Variants in MAF observed in about 807,000 individuals in gnomAD.
The protein encoded by MAF is transcription factor Maf.
MAF carries 10 observed loss-of-function variants against 22.0 expected under a neutral mutation model. The observed-to-expected ratio is 0.45, with a 90% CI of 0.28 to 0.77. MAF has a LOEUF of 0.77. MAF is among the 30% of genes least tolerant of loss of function. MAF has a pLI of 0.12. For synonymous variants in MAF, 337 were observed against 255.8 expected, an observed-to-expected ratio of 1.32 and a Z score of -3.03; for missense variants, 544 against 548.4, an observed-to-expected ratio of 0.99 and a Z score of 0.08.
the MAF span, among the ~76,000 whole-genome samples, chr16:79,516,643 G>C: frequency 6.6e-6 from 1 of 152,210 alleles, no homozygotes; most frequent in South Asian, 2.1e-4. Context: ...CATCTGTGAT[G>C]TGCTCATGGA....
chr16:79,240,669 C>T, the MAF span, among the ~76,000 whole-genome samples: 3 of 151,920 alleles, frequency 2.0e-5, no homozygotes, highest in African/African-American at 4.8e-5. Context: ...AGCAGCAGAA[C>T]TCCCAGCACA....
chr16:79,326,627 G>T, the MAF span, among the ~76,000 whole-genome samples: 6 of 152,350 alleles, frequency 3.9e-5, no homozygotes, highest in African/African-American at 1.4e-4. Flanking sequence ...TTTAGGCTCT[G>T]TAGATCACAT....
the MAF span, among the ~76,000 whole-genome samples, chr16:79,503,132 G>A: frequency 6.6e-6 from 1 of 152,012 alleles, no homozygotes; most frequent in African/African-American, 2.4e-5. Context: ...CTGGGCACAA[G>A]TTCAGAAATC....
At chr16:79,263,579 CT>C in the MAF span, among the ~76,000 whole-genome samples, 1 of 152,220 alleles carries the variant, frequency 6.6e-6, no homozygotes, top group African/African-American at 2.4e-5. Flanking sequence ...TCTCTTTCCT[CT>C]TCTTCCGTTT....
chr16:79,415,587 C>T, the MAF span, among the ~76,000 whole-genome samples: 1 of 152,084 alleles, frequency 6.6e-6, no homozygotes, highest in African/African-American at 2.4e-5. Flanking sequence ...CATTCAAAGC[C>T]TGGATCACTT....
the MAF span, among the ~76,000 whole-genome samples, chr16:79,261,944 G>T: frequency 6.6e-6 from 1 of 152,150 alleles, no homozygotes; most frequent in Admixed American, 6.5e-5. Context: ...CATCTCTTAA[G>T]TTGCTCATAT....
chr16:79,478,364 G>A, the MAF span, among the ~76,000 whole-genome samples: 1 of 152,140 alleles, frequency 6.6e-6, no homozygotes, highest in Non-Finnish European at 1.5e-5. Flanking sequence ...AGCTGCTCAA[G>A]GTCAAATGGC....
chr16:79,213,341 ACATCCTCC>A, the MAF span, among the ~76,000 whole-genome samples: 1 of 152,198 alleles, frequency 6.6e-6, no homozygotes, highest in African/African-American at 2.4e-5. Context: ...TAGCCTTGCC[ACATCCTCC>A]CATCTGGCTA....
chr16:79,570,412 C>T, the MAF span, among the ~76,000 whole-genome samples: 1 of 152,176 alleles, frequency 6.6e-6, no homozygotes, highest in African/African-American at 2.4e-5. Flanking sequence ...TTCCCTATAG[C>T]CCTGGAGCAT....
chr16:79,430,072 C>A, the MAF span, among the ~76,000 whole-genome samples: 1 of 152,140 alleles, frequency 6.6e-6, no homozygotes, highest in Non-Finnish European at 1.5e-5. Context: ...CACCCCGGGG[C>A]CCCTTCATTC....
chr16:79,489,040 G>A, the MAF span, among the ~76,000 whole-genome samples: 1 of 152,116 alleles, frequency 6.6e-6, no homozygotes, highest in African/African-American at 2.4e-5. Context: ...ATTTGTTGAT[G>A]CCTGAAACTA....
At chr16:79,491,551 C>A in the MAF span, among the ~76,000 whole-genome samples, 5 of 152,090 alleles carry the variant, frequency 3.3e-5, no homozygotes, top group Non-Finnish European at 7.4e-5. Flanking sequence ...CCAGGTAGAA[C>A]CTTGGTTTCT....
At chr16:79,286,799 G>A in the MAF span, among the ~76,000 whole-genome samples, 4 of 152,112 alleles carry the variant, frequency 2.6e-5, no homozygotes, top group Non-Finnish European at 4.4e-5. Context: ...CACAACCCAG[G>A]ACACAGCTTT....
In MAF at chr16:79,599,645, C is replaced by T. The variant is rs1913875056; in HGVS notation, c.258G>A (p.Ala86=). ...TCATCCAGTAGTAGTCTTCCAGGTGCGCCTTCTGCTCGCTGCCCGAGCCCG... is the reference window on the plus strand; with the variant it reads ...TCATCCAGTAGTAGTCTTCCAGGTGTGCCTTCTGCTCGCTGCCCGAGCCCG... ...PSPGSGSEQK[A]HLEDYYWMTG... is the part of the protein sequence containing the mutation. Residue 86 remains alanine (A), a synonymous_variant, in exon 1 of 2, where the codon GCG becomes GCA. Coordinates refer to ENST00000326043, the MANE Select transcript of MAF (RefSeq NM_005360.5). 6.2e-7 allele frequency: 1 copy of T among 1,611,788 alleles called. No homozygotes were observed. The highest frequency in any genetic ancestry group is 8.5e-7 in the Non-Finnish European group (1 of 1,179,552).
At chr16:79,388,439 A>G in the MAF span, among the ~76,000 whole-genome samples, 1 of 152,212 alleles carries the variant, frequency 6.6e-6, no homozygotes, top group African/African-American at 2.4e-5. Flanking sequence ...CCCTGCCACT[A>G]TATATAGTCC....
downstream of MAF, among the ~76,000 whole-genome samples, chr16:79,591,441 G>C (rs1312492751): frequency 6.6e-6 from 1 of 152,146 alleles, no homozygotes; most frequent in African/African-American, 2.4e-5. Flanking sequence ...GTAGAAGAGA[G>C]GAATGTGATT....
At chr16:79,207,030 C>T in the MAF span, among the ~76,000 whole-genome samples, 1 of 152,114 alleles carries the variant, frequency 6.6e-6, no homozygotes, top group African/African-American at 2.4e-5. Flanking sequence ...CTGGAGATGA[C>T]CTCTGCACTG....
At chr16:79,486,966 TCTG>T in the MAF span, among the ~76,000 whole-genome samples, 1 of 152,156 alleles carries the variant, frequency 6.6e-6, no homozygotes, top group East Asian at 1.9e-4. Context: ...CCATCCTAAA[TCTG>T]CTGCCCAGAT....
chr16:79,326,716 G>A, the MAF span, among the ~76,000 whole-genome samples: 1 of 152,186 alleles, frequency 6.6e-6, no homozygotes, highest in Admixed American at 6.5e-5. Context: ...CAGGAGCATG[G>A]CTGTGTTCCA....
Sources: allele counts gnomAD v4.1 joint callset (sites outside exome capture counted in the v4.1 genomes callset), GRCh38; gene constraint gnomAD v4.1.1; transcripts MANE v1.5; gene names NCBI Gene and HGNC (gene_info 2026-07-23, HGNC 2026-07-21).